The following CDK14 variants were observed in gnomAD, a reference collection of about 807,000 sequenced individuals.
CDK14 encodes cyclin dependent kinase 14.
CDK14 carries 34 observed loss-of-function variants against 60.7 expected under a neutral mutation model. The observed-to-expected ratio is 0.56, with a 90% CI of 0.43 to 0.75. The LOEUF is 0.75. CDK14 is among the 30% of genes least tolerant of loss of function. The pLI is 0.00. For synonymous variants in CDK14, 197 were observed against 203.7 expected, an observed-to-expected ratio of 0.97 and a Z score of 0.28; for missense variants, 482 against 564.1, an observed-to-expected ratio of 0.85 and a Z score of 1.47.
At chr7:90,821,089 T>C (rs1584010810) in intron 5 of CDK14, among the ~76,000 whole-genome samples, 1 of 152,212 alleles carries the variant, frequency 6.6e-6, no homozygotes, top group Non-Finnish European at 1.5e-5. Context: ...AAGTTTCTTT[T>C]CTGGGCCCTT....
chr7:90,637,035 A>T (rs1169051861), intron 2 of CDK14, among the ~76,000 whole-genome samples: 1 of 151,372 alleles, frequency 6.6e-6, no homozygotes, highest in Non-Finnish European at 1.5e-5. Context: ...TTTTTTCTTT[A>T]TTAGCCTTGC....
At chr7:91,185,063 G>A (rs1019982227) in intron 14 of CDK14, among the ~76,000 whole-genome samples, 4 of 149,806 alleles carry the variant, frequency 2.7e-5, no homozygotes, top group African/African-American at 9.9e-5. Flanking sequence ...AAGGATTCTG[G>A]CAACAAGTGT....
Position 90,905,512 on chromosome 7 carries a change from T to C in CDK14, c.702+6159T>C, listed in dbSNP as rs543481593. ...TAATAATTTAAACATTGAATGTTGATGTAATTTAAAACAAAACAAAACAAA... is the reference window on the plus strand; with the variant it reads ...TAATAATTTAAACATTGAATGTTGACGTAATTTAAAACAAAACAAAACAAA... On this transcript the variant is annotated intron_variant, in intron 7 of 14. Coordinates refer to ENST00000380050, the MANE Select transcript of CDK14 (RefSeq NM_001287135.2). Among the ~76,000 whole-genome samples the C allele has an allele frequency of 7.2e-5, 11 of 152,292 alleles. No individual in the cohort carries two copies. The South Asian group carries it at 2.3e-3, about 32-fold the overall frequency.
chr7:90,999,102 G>A (rs1584215135), intron 10 of CDK14, among the ~76,000 whole-genome samples: 1 of 151,946 alleles, frequency 6.6e-6, no homozygotes, highest in Admixed American at 6.6e-5. Flanking sequence ...AGTTTATCTA[G>A]TTCTAATTAC....
At chr7:90,903,413 T>C (rs771144700) in intron 7 of CDK14, among the ~76,000 whole-genome samples, 4 of 152,102 alleles carry the variant, frequency 2.6e-5, no homozygotes, top group Non-Finnish European at 5.9e-5. Flanking sequence ...TCATCTGCAG[T>C]AGTATGGATG....
At chr7:90,628,307 A>T (rs555213947) in intron 2 of CDK14, among the ~76,000 whole-genome samples, 12 of 152,178 alleles carry the variant, frequency 7.9e-5, no homozygotes, top group African/African-American at 2.6e-4. Flanking sequence ...TTCCCACCCC[A>T]AGATAACTTT....
At chr7:90,631,568 G>A (rs564030679) in intron 2 of CDK14, among the ~76,000 whole-genome samples, 1 of 152,276 alleles carries the variant, frequency 6.6e-6, no homozygotes, top group African/African-American at 2.4e-5. Context: ...GTTTCTTAGT[G>A]ATTAACAACC....
intron 13 of CDK14, 100 bp downstream of exon 13, chr7:91,112,781 T>C: frequency 1.6e-6 from 2 of 1,247,684 alleles, no homozygotes; most frequent in South Asian, 1.3e-5. Flanking sequence ...TATTTGTGTG[T>C]CCACAAACAT....
At chr7:90,721,765 G>T (rs1211368315) in intron 2 of CDK14, among the ~76,000 whole-genome samples, 2 of 152,044 alleles carry the variant, frequency 1.3e-5, no homozygotes, top group Non-Finnish European at 2.9e-5. Context: ...TTGAGGTTTG[G>T]GTTCTCAGTG....
intron 13 of CDK14, among the ~76,000 whole-genome samples, chr7:91,117,101 C>T (rs1400225288): frequency 6.8e-6 from 1 of 146,038 alleles, no homozygotes; most frequent in Non-Finnish European, 1.5e-5. Flanking sequence ...GCCTCTCACA[C>T]TTAATCTTAC....
intron 5 of CDK14, among the ~76,000 whole-genome samples, chr7:90,807,744 C>T (rs1345889140): frequency 6.6e-6 from 1 of 152,116 alleles, no homozygotes. Context: ...GGCTCACTAG[C>T]ATAACCAGTG....
intron 2 of CDK14, chr7:90,710,440 T>C: frequency 1.0e-6 from 1 of 985,220 alleles, no homozygotes; most frequent in Non-Finnish European, 1.2e-6. Context: ...CTGGATTGGA[T>C]CTGAGTAGAA....
intron 4 of CDK14, among the ~76,000 whole-genome samples, chr7:90,773,226 C>T (rs967384609): frequency 1.3e-5 from 2 of 152,068 alleles, no homozygotes; most frequent in Non-Finnish European, 2.9e-5. Flanking sequence ...AGAGTGTGGA[C>T]TACACACCTT....
intron 2 of CDK14, chr7:90,709,637 A>C: frequency 6.2e-7 from 1 of 1,608,936 alleles, no homozygotes; most frequent in Non-Finnish European, 8.5e-7. Flanking sequence ...TGGAAAAAAA[A>C]ATTAGATTTT....
At chr7:90,870,058 G>A (rs942546099) in intron 6 of CDK14, among the ~76,000 whole-genome samples, 2 of 152,078 alleles carry the variant, frequency 1.3e-5, no homozygotes, top group African/African-American at 4.8e-5. Context: ...CTAGCATTTT[G>A]GCTATTCTAA....
At chr7:91,190,975 C>G (rs1372772774) in intron 14 of CDK14, among the ~76,000 whole-genome samples, 2 of 152,162 alleles carry the variant, frequency 1.3e-5, no homozygotes, top group Non-Finnish European at 2.9e-5. Context: ...TCATACGTGT[C>G]TGACCAGAGA....
At chr7:90,894,806 CTTTAA>C (rs574654253) in intron 6 of CDK14, among the ~76,000 whole-genome samples, 3 of 152,256 alleles carry the variant, frequency 2.0e-5, no homozygotes, top group African/African-American at 7.2e-5. Context: ...TATTCCACTT[CTTTAA>C]TTTGTTAACT....
chr7:90,863,082 T>C (rs1791060117), intron 5 of CDK14, 93 bp from the exon 6 acceptor site: 2 of 597,506 alleles, frequency 3.3e-6, no homozygotes, highest in South Asian at 4.7e-5. Context: ...AAAATAGATA[T>C]CTCTCATCTG....
intron 5 of CDK14, among the ~76,000 whole-genome samples, chr7:90,838,592 C>A (rs1790189656): frequency 6.6e-6 from 1 of 152,028 alleles, no homozygotes; most frequent in African/African-American, 2.4e-5. Context: ...ATAATTAATA[C>A]CCTGGGAAAG....
Sources: allele counts gnomAD v4.1 joint callset (sites outside exome capture counted in the v4.1 genomes callset), GRCh38; gene constraint gnomAD v4.1.1; transcripts MANE v1.5; gene names NCBI Gene and HGNC (gene_info 2026-07-23, HGNC 2026-07-21).